Variants in ZSCAN5A observed in about 807,000 individuals in gnomAD.
ZSCAN5A encodes the protein zinc finger and SCAN domain containing 5A.
ZSCAN5A carries 12 observed loss-of-function variants against 23.7 expected under a neutral mutation model. The observed-to-expected ratio is 0.51, with a 90% CI of 0.32 to 0.82. ZSCAN5A has a LOEUF of 0.82. Ranked by LOEUF, ZSCAN5A falls within the 40% of genes least tolerant of loss-of-function variation. The probability of loss-of-function intolerance (pLI) is 0.03; values close to 1 mark genes in which losing one functional copy is unlikely to be tolerated. For missense variants in ZSCAN5A, 597 were observed against 617.9 expected, an observed-to-expected ratio of 0.97 and a Z score of 0.36; for synonymous variants, 257 against 239.9, an observed-to-expected ratio of 1.07 and a Z score of -0.66.
At chr19:56,278,319 A>C (rs1256941092) in intron 2 of ZSCAN5A, among the ~76,000 whole-genome samples, 1 of 152,144 alleles carries the variant, frequency 6.6e-6, no homozygotes, top group Non-Finnish European at 1.5e-5. Flanking sequence ...TATTTAGGAG[A>C]GACAAGGTTT....
intron 2 of ZSCAN5A, among the ~76,000 whole-genome samples, chr19:56,240,365 C>T (rs1183659392): frequency 6.6e-6 from 1 of 152,088 alleles, no homozygotes; most frequent in Admixed American, 6.6e-5. Flanking sequence ...GTAATCAACT[C>T]GGATCACCTA....
At chr19:56,226,265 G>T (rs2033921875) in intron 2 of ZSCAN5A, among the ~76,000 whole-genome samples, 1 of 152,082 alleles carries the variant, frequency 6.6e-6, no homozygotes, top group African/African-American at 2.4e-5. Context: ...AGACAGCCAG[G>T]GAGACAATCG....
chr19:56,244,572 G>C, intron 2 of ZSCAN5A: 3 of 985,004 alleles, frequency 3.0e-6, no homozygotes, highest in Non-Finnish European at 4.4e-6. Flanking sequence ...ACACATGGCA[G>C]TGTCTGGGGA....
At position 56,221,542 on chromosome 19, in the gene ZSCAN5A, C is replaced by G. The variant is rs939621457; in HGVS notation, c.*33G>C. On this transcript the variant is annotated 3_prime_UTR_variant, in exon 6 of 6. Transcript: ENST00000683990. Reference sequence around the variant, plus strand: ...TGATGAAAAATATCATTCACTTCTTCTTGGTGCAGAAGGCATAGACCGGAT... The same window carrying G: ...TGATGAAAAATATCATTCACTTCTTGTTGGTGCAGAAGGCATAGACCGGAT... The G allele has an allele frequency of 2.1e-5, 33 of 1,536,070 alleles. No homozygotes were observed. The highest frequency in any genetic ancestry group is 2.7e-5 in the Non-Finnish European group (31 of 1,144,636).
chr19:56,279,386 G>A (rs971587562), intron 2 of ZSCAN5A, among the ~76,000 whole-genome samples: 2 of 152,126 alleles, frequency 1.3e-5, no homozygotes, highest in African/African-American at 2.4e-5. Context: ...AATTCCTAGC[G>A]CTCAGTAGGA....
chr19:56,365,786 A>C (rs1188875394), intron 1 of ZSCAN5A: 1 of 152,190 alleles, frequency 6.6e-6, no homozygotes, highest in Non-Finnish European at 1.5e-5. Flanking sequence ...GAAAACCTGA[A>C]CTCTAATTGA....
rs1199796859 is a variant in ZSCAN5A, at chr19:56,221,906, T to G, written c.1160A>C (p.Asn387Thr). 12 of 1,614,040 alleles carry G rather than the reference T, an allele frequency of 7.4e-6. No individual in the cohort carries two copies. Among genetic ancestry groups the G allele is most frequent in the Non-Finnish European group, 1.0e-5 (12 of 1,180,042 alleles). ...CTGCATGAAGCGCTTCCCACAGAGA[T>G]TACATTGAAAGAGTCTCTCGCCTGT... The part of the protein sequence containing the change: ...SHTGERLFQC[N>T]LCGKRFMQLI... The change falls in exon 6 of 6, where the codon AAT becomes ACT. Residue 387 changes from asparagine to threonine, a missense_variant. Around this residue, in one of 5 missense-constraint regions of ZSCAN5A, gnomAD observed 406 missense variants for 353.2 expected, o/e 1.15. Transcript: ENST00000683990.
At chr19:56,323,319 C>A (rs1568751708) in intron 2 of ZSCAN5A, among the ~76,000 whole-genome samples, 2 of 152,146 alleles carry the variant, frequency 1.3e-5, no homozygotes, top group Non-Finnish European at 2.9e-5. Flanking sequence ...CCTCAGCCTC[C>A]TGAGTAGCTG....
intron 2 of ZSCAN5A, among the ~76,000 whole-genome samples, chr19:56,258,192 T>C (rs1227641897): frequency 6.6e-6 from 1 of 152,212 alleles, no homozygotes; most frequent in Admixed American, 6.5e-5. Context: ...CGCCTCTTGG[T>C]GCTATAACAG....
intron 2 of ZSCAN5A, among the ~76,000 whole-genome samples, chr19:56,253,051 G>C (rs2036460329): frequency 6.6e-6 from 1 of 152,240 alleles, no homozygotes; most frequent in African/African-American, 2.4e-5. Context: ...ACAGCTCCGT[G>C]ATTGCAGGGC....
intron 2 of ZSCAN5A, among the ~76,000 whole-genome samples, chr19:56,282,077 T>C (rs989927195): frequency 2.0e-5 from 3 of 152,090 alleles, no homozygotes; most frequent in African/African-American, 4.8e-5. Context: ...ATTGTGTGTA[T>C]TTATTGGTGG....
intron 2 of ZSCAN5A, among the ~76,000 whole-genome samples, chr19:56,256,583 A>G (rs964053901): frequency 3.9e-5 from 6 of 152,242 alleles, no homozygotes; most frequent in African/African-American, 1.4e-4. Flanking sequence ...TATATATTGT[A>G]TATACACATA....
At chr19:56,222,367 T>C (rs917960824) in intron 5 of ZSCAN5A, 41 bp from the exon 6 acceptor site, 1 of 1,599,184 alleles carries the variant, frequency 6.3e-7, no homozygotes, top group Non-Finnish European at 8.5e-7. Context: ...ATAAAGCGCA[T>C]TTTCAATACA....
intron 2 of ZSCAN5A, among the ~76,000 whole-genome samples, chr19:56,328,994 C>CAAAAA (rs61646242): frequency 2.4e-4 from 26 of 106,404 alleles, no homozygotes; most frequent in African/African-American, 7.8e-4. Flanking sequence ...GACTCCGTCT[C>CAAAAA]AAAAAAAAAA....
At chr19:56,228,206 A>G (rs900411105) in intron 2 of ZSCAN5A, 56 of 984,892 alleles carry the variant, frequency 5.7e-5, no homozygotes, top group South Asian at 2.4e-4. Flanking sequence ...CCAACCCCCG[A>G]CATGCCAGCT....
At chr19:56,321,771 C>T (rs781336355) in intron 2 of ZSCAN5A, 3 of 1,239,046 alleles carry the variant, frequency 2.4e-6, no homozygotes, top group Non-Finnish European at 3.6e-6. Context: ...GCAACCAAAT[C>T]ATACAGCTTG....
chr19:56,353,952 G>C (rs2041685708), intron 2 of ZSCAN5A, among the ~76,000 whole-genome samples: 1 of 152,166 alleles, frequency 6.6e-6, no homozygotes, highest in Non-Finnish European at 1.5e-5. Flanking sequence ...TGGAATATTA[G>C]TCGCCCTTAA....
intron 2 of ZSCAN5A, among the ~76,000 whole-genome samples, chr19:56,251,799 T>C (rs75897741): frequency 0.013 from 2,022 of 152,300 alleles, 42 homozygotes; most frequent in African/African-American, 0.043. Context: ...CTGAGCTCAA[T>C]TGATCTTCCT....
intron 2 of ZSCAN5A, among the ~76,000 whole-genome samples, chr19:56,309,220 T>C (rs1419575093): frequency 6.6e-6 from 1 of 152,202 alleles, no homozygotes; most frequent in Non-Finnish European, 1.5e-5. Context: ...CAGTAGATGA[T>C]GCCATGTATA....
Sources: allele counts gnomAD v4.1 joint callset (sites outside exome capture counted in the v4.1 genomes callset), GRCh38; gene constraint gnomAD v4.1.1; regional missense constraint gnomAD v4.1.1; transcripts MANE v1.5; gene names NCBI Gene and HGNC (gene_info 2026-07-23, HGNC 2026-07-21).